The following TRAPPC10 variants were observed in gnomAD, a reference collection of about 807,000 sequenced individuals.
TRAPPC10 encodes the protein TRAPP 130 kDa subunit.
TRAPPC10 carries 23 observed loss-of-function variants against 125.5 expected under a neutral mutation model. The observed-to-expected ratio is 0.18, with a 90% confidence interval of 0.13 to 0.26. TRAPPC10 has a LOEUF of 0.26. TRAPPC10 is among the 10% of genes least tolerant of loss of function. The pLI, the probability that TRAPPC10 is intolerant of heterozygous loss-of-function variation, is 1.00. For synonymous variants in TRAPPC10, 509 were observed against 518.0 expected (o/e 0.98, Z 0.24); for missense variants, 1,123 against 1,308.4 (o/e 0.86, Z 2.19).
At position 44,094,135 on chromosome 21, in the gene TRAPPC10, C is replaced by T. The variant is rs1424301135; in HGVS notation, c.3070C>T (p.His1024Tyr). The change falls in exon 20 of 23, where the codon CAT becomes TAT. Residue 1024 changes from histidine (H) to tyrosine (Y), a missense_variant. Coordinates refer to ENST00000291574, the MANE Select transcript of TRAPPC10 (RefSeq NM_003274.5). The stretch of plus-strand genomic sequence containing the variant: ...GACAGAAGAGCCTCCCCCTTCTCTG[C>T]ATTGCCGGTTCTCTGTTGGATTTTC... The part of the protein sequence containing the change: ...KWTEEPPPSL[H>Y]CRFSVGFSPA... 1.4e-5 allele frequency: 22 copies of T among 1,614,184 alleles called. No homozygotes were observed. Among genetic ancestry groups the T allele is most frequent in the Non-Finnish European group, 1.9e-5 (22 of 1,179,996 alleles).
At chr21:44,091,426 CTTTT>C (rs911613204) in intron 18 of TRAPPC10, among the ~76,000 whole-genome samples, 1 of 152,002 alleles carries the variant, frequency 6.6e-6, no homozygotes, top group African/African-American at 2.4e-5. Context: ...TCTTTAAAAA[CTTTT>C]TTTATTTATT....
rs2036204698 is a variant in TRAPPC10, at chr21:44,063,478, G to A, written c.791-60G>A. ...TTGCCCACCATCCTCAGCCTGAGCAGGAAGCTCAGGAAGGTGAAGTACCTG... is the reference window on the plus strand; with the variant it reads ...TTGCCCACCATCCTCAGCCTGAGCAAGAAGCTCAGGAAGGTGAAGTACCTG... On this transcript the variant is annotated intron_variant, in intron 6 of 22. Transcript: ENST00000291574. The surrounding 1 kb of genome is among the most constrained non-coding windows in gnomAD (Gnocchi z 4.4). The A allele has an allele frequency of 6.3e-7, 1 of 1,581,806 alleles. No homozygotes were observed.
In TRAPPC10 at chr21:44,052,346, C is replaced by T. The variant is rs1230436428; in HGVS notation, c.352C>T (p.His118Tyr). The change falls in exon 4 of 23, where the codon CAT becomes TAT. Residue 118 changes from histidine to tyrosine, a missense_variant. Transcript: ENST00000291574. ...CAAGTGGCAGAATGTTCTGAAGGCT[C>T]ATAGCTCTGTGGACTGGTTAATAGT... ...LTKWQNVLKA[H>Y]SSVDWLIVIV... is the part of the protein sequence containing the mutation. The T allele has an allele frequency of 5.6e-6, 9 of 1,613,282 alleles. No individual in the cohort carries two copies. The highest frequency in any genetic ancestry group is 2.2e-5 in the East Asian group (1 of 44,870).
intron 2 of TRAPPC10, among the ~76,000 whole-genome samples, chr21:44,036,896 A>T (rs2034024009): frequency 6.6e-6 from 1 of 152,240 alleles, no homozygotes; most frequent in Non-Finnish European, 1.5e-5. Flanking sequence ...CAACGGTAGA[A>T]TAGAGATAGA....
In TRAPPC10 at chr21:44,092,069, G is replaced by A. The variant is rs1183046494; in HGVS notation, c.2997+20G>A. 2 of 1,611,646 alleles carry A rather than the reference G, an allele frequency of 1.2e-6. No homozygotes were observed. Among genetic ancestry groups the A allele is most frequent in the East Asian group, 4.5e-5 (2 of 44,842 alleles). On this transcript the variant is annotated intron_variant, in intron 19 of 22. Coordinates refer to ENST00000291574, the MANE Select transcript of TRAPPC10 (RefSeq NM_003274.5). ...CAGCAGGTAAACATTGTGTAGACCT[G>A]AGCATAAACTTCTCAACAGAGAACC... is the stretch of plus-strand genomic sequence containing the variant.
At chr21:44,045,525 T>G (rs2034725022) in intron 3 of TRAPPC10, among the ~76,000 whole-genome samples, 1 of 152,094 alleles carries the variant, frequency 6.6e-6, no homozygotes, top group Non-Finnish European at 1.5e-5. Context: ...CAAAAGTGGC[T>G]TTTTTTCTTT....
At chr21:44,094,805 A>G (rs1203184820) in intron 20 of TRAPPC10, among the ~76,000 whole-genome samples, 1 of 152,098 alleles carries the variant, frequency 6.6e-6, no homozygotes, top group African/African-American at 2.4e-5. Flanking sequence ...CAATTTTGTG[A>G]TACTTTCTTT....
At chr21:44,021,819 A>C (rs574356870) in intron 1 of TRAPPC10, among the ~76,000 whole-genome samples, 5 of 152,160 alleles carry the variant, frequency 3.3e-5, no homozygotes, top group Non-Finnish European at 7.3e-5. Context: ...AGGAAAGGCC[A>C]CCTGAGGATA....
chr21:44,046,076 C>T (rs975759244), intron 3 of TRAPPC10, among the ~76,000 whole-genome samples: 11 of 151,864 alleles, frequency 7.2e-5, no homozygotes, highest in Admixed American at 2.0e-4. Flanking sequence ...AATTAAAATC[C>T]GAGCAGTATT....
At chr21:44,022,090 C>T (rs2032569657) in intron 1 of TRAPPC10, among the ~76,000 whole-genome samples, 2 of 141,986 alleles carry the variant, frequency 1.4e-5, no homozygotes, top group South Asian at 2.2e-4. Context: ...ACACCTAAAA[C>T]GTTTCTTTCT....
rs1176236307 is a variant in TRAPPC10 at position 44,055,798 on chromosome 21, A to G, written c.583A>G (p.Thr195Ala). Residue 195 changes from threonine to alanine, a missense_variant, in exon 5 of 23, where the codon ACC becomes GCC. By Grantham distance (58) the Thr-to-Ala change is moderately conservative (BLOSUM62 0). Around this residue, in one of 4 missense-constraint regions of TRAPPC10, gnomAD observed 15 missense variants for 50.3 expected, o/e 0.30. Transcript: ENST00000291574. ...CAGGACATTGCTTCTTATGTCTTTT[A>G]CCAAAAACCTAGGCAAGTTTGAGGA... Reference protein sequence around the residue: ...KLRTLLLMSFTKNLGKFEDDM... With the variant: ...KLRTLLLMSFAKNLGKFEDDM... 8 of 1,613,828 alleles carry G rather than the reference A, an allele frequency of 5.0e-6. No individual in the cohort carries two copies. Among genetic ancestry groups the G allele is most frequent in the Non-Finnish European group, 1.7e-6 (2 of 1,179,906 alleles).
chr21:44,085,199 GCTGCCAGC>G (rs1175411335), intron 15 of TRAPPC10, among the ~76,000 whole-genome samples: 1 of 151,978 alleles, frequency 6.6e-6, no homozygotes, highest in African/African-American at 2.4e-5. Context: ...CTACCTTGGA[GCTGCCAGC>G]CTCCAATCAA....
Position 44,061,218 on chromosome 21 carries a change from C to T in TRAPPC10, c.790+2004C>T, listed in dbSNP as rs867482133. On this transcript the variant is annotated intron_variant, in intron 6 of 22. Transcript: ENST00000291574. Reference sequence around the variant, plus strand: ...GTGGCGCCATCTCGGCTCACTGCAACCTCCGCCTCCCGGGTTCACGCCATT... The same window carrying T: ...GTGGCGCCATCTCGGCTCACTGCAATCTCCGCCTCCCGGGTTCACGCCATT... 4.9e-4 allele frequency among the ~76,000 whole-genome samples: 74 copies of T among 152,256 alleles called. 1 individual carries two copies. The Middle Eastern group carries it at 0.02, about 42-fold the overall frequency.
chr21:44,080,379 C>T (rs1704246219), intron 13 of TRAPPC10, among the ~76,000 whole-genome samples: 1 of 152,074 alleles, frequency 6.6e-6, no homozygotes, highest in Non-Finnish European at 1.5e-5. Flanking sequence ...GTTCTAATAT[C>T]ATCTGCTAAG....
intron 11 of TRAPPC10, 152 bp downstream of exon 11, chr21:44,077,936 C>A: frequency 2.2e-6 from 1 of 464,670 alleles, no homozygotes; most frequent in Non-Finnish European, 3.7e-6. Context: ...TTTTCAGTTT[C>A]TTCTGAAAAC....
intron 7 of TRAPPC10, among the ~76,000 whole-genome samples, chr21:44,064,086 G>A (rs2036248662): frequency 6.6e-6 from 1 of 152,152 alleles, no homozygotes; most frequent in South Asian, 2.1e-4. Context: ...CTGTCTCCAC[G>A]GGGAAGAGTC....
At chr21:44,065,111 T>G (rs1282127487) in intron 7 of TRAPPC10, among the ~76,000 whole-genome samples, 1 of 152,200 alleles carries the variant, frequency 6.6e-6, no homozygotes, top group Non-Finnish European at 1.5e-5. Flanking sequence ...GGGGGAAAAT[T>G]GAAGTATTCA....
chr21:44,040,915 C>T (rs1276943417), intron 3 of TRAPPC10, among the ~76,000 whole-genome samples: 1 of 152,004 alleles, frequency 6.6e-6, no homozygotes, highest in African/African-American at 2.4e-5. Context: ...TGCGCCCGGC[C>T]GCCATAGTTC....
chr21:44,054,941 C>T (rs554248661), intron 4 of TRAPPC10, among the ~76,000 whole-genome samples: 3 of 152,136 alleles, frequency 2.0e-5, no homozygotes, highest in South Asian at 2.1e-4. Flanking sequence ...GAGAGGAGAG[C>T]GGGAGAAGGT....
Sources: gnomAD v4.1 joint callset for allele counts (sites outside exome capture counted in the v4.1 genomes callset) on GRCh38, gnomAD v4.1.1 for gene constraint, gnomAD v4.1.1 regional missense constraint, Gnocchi (gnomAD v3.1) non-coding constraint, MANE v1.5 for transcripts, NCBI Gene and HGNC (gene_info 2026-07-23, HGNC 2026-07-21) for gene names.